The following PCDHA2 variants were observed in gnomAD, a reference collection of about 807,000 sequenced individuals.
PCDHA2 encodes the protein protocadherin alpha 2.
Under a neutral mutation model 66.0 loss-of-function variants are expected in PCDHA2, and 58 were observed. That is an observed-to-expected ratio of 0.88 (90% CI 0.71 to 1.09). The LOEUF (loss-of-function observed/expected upper bound fraction) is 1.09. PCDHA2 is among the 50% of genes least tolerant of loss of function. The pLI, the probability that PCDHA2 is intolerant of heterozygous loss-of-function variation, is 0.00. For synonymous variants in PCDHA2, 634 were observed against 554.0 expected, an observed-to-expected ratio of 1.14 and a Z score of -2.03; for missense variants, 1,267 against 1,242.3, an observed-to-expected ratio of 1.02 and a Z score of -0.30.
chr5:140,805,754 A>T (rs1763626106), intron 1 of PCDHA2: 2 of 242,630 alleles, frequency 8.2e-6, no homozygotes, highest in Non-Finnish European at 1.3e-5. Context: ...CTTGAAATAC[A>T]TCTTAATTGG....
rs149296153 is a variant in PCDHA2, at chr5:140,837,442, G to A, written c.2388+40090G>A. Among the ~76,000 whole-genome samples the A allele has an allele frequency of 1.9e-4, 29 of 151,938 alleles. No individual in the cohort carries two copies. The East Asian group carries it at 5.2e-3, about 27-fold the overall frequency. Reference sequence around the variant, plus strand: ...AATTTCAAAGAGTGAAATCTAGTACGTAGTAAAAAATCTCCTTGCCTCCTC... The same window carrying A: ...AATTTCAAAGAGTGAAATCTAGTACATAGTAAAAAATCTCCTTGCCTCCTC... On this transcript the variant is annotated intron_variant, in intron 1 of 3. Coordinates refer to ENST00000526136, the MANE Select transcript of PCDHA2 (RefSeq NM_018905.3).
chr5:140,975,207 G>A (rs2096658071), intron 1 of PCDHA2, among the ~76,000 whole-genome samples: 1 of 152,180 alleles, frequency 6.6e-6, no homozygotes. Flanking sequence ...CTTCATGGCT[G>A]GCACTGGAGA....
At position 140,829,335 on chromosome 5, in the gene PCDHA2, G is replaced by T. The variant is rs2150166074; in HGVS notation, c.2388+31983G>T. 2.5e-6 allele frequency: 4 copies of T among 1,614,114 alleles called. No homozygotes were observed. In the African/African-American group the frequency reaches 5.3e-5, roughly 22 times the overall value. ...TTGGTGCTGGACAGTGCCCTGGACC[G>T]CGAGAGCGTGTCGGCCTATGAGTTG... On this transcript the variant is annotated intron_variant, in intron 1 of 3. Transcript: ENST00000526136.
At chr5:140,998,273 A>G (rs1448303020) in intron 3 of PCDHA2, among the ~76,000 whole-genome samples, 1 of 152,216 alleles carries the variant, frequency 6.6e-6, no homozygotes, top group East Asian at 1.9e-4. Context: ...ACTGACACCC[A>G]TAGGATTAAA....
intron 1 of PCDHA2, among the ~76,000 whole-genome samples, chr5:140,935,507 G>A (rs2090409706): frequency 6.6e-6 from 1 of 152,138 alleles, no homozygotes. Context: ...CCTTACAAAT[G>A]CCCAGTAGGC....
At chr5:140,847,326 T>C (rs1171959432) in intron 1 of PCDHA2, 3 of 149,816 alleles carry the variant, frequency 2.0e-5, no homozygotes, top group African/African-American at 7.3e-5. Flanking sequence ...GAAGCAATTG[T>C]TAAATGCACC....
chr5:140,801,159 T>C, intron 1 of PCDHA2: 1 of 1,535,928 alleles, frequency 6.5e-7, no homozygotes, highest in Non-Finnish European at 8.7e-7. Flanking sequence ...AAACTTTGGA[T>C]CAATGTAAAG....
intron 1 of PCDHA2, chr5:140,870,821 G>A (rs782742871): frequency 6.2e-7 from 1 of 1,613,736 alleles, no homozygotes; most frequent in South Asian, 1.1e-5. Flanking sequence ...GGCAGCGCGG[G>A]AGGCGCAGTT....
At chr5:140,958,069 A>C (rs2095407625) in intron 1 of PCDHA2, among the ~76,000 whole-genome samples, 1 of 152,104 alleles carries the variant, frequency 6.6e-6, no homozygotes. Flanking sequence ...AAAAACACAG[A>C]AGCAAAAAGT....
chr5:140,960,253 G>A (rs1554224599), intron 1 of PCDHA2, among the ~76,000 whole-genome samples: 1 of 152,178 alleles, frequency 6.6e-6, no homozygotes, highest in African/African-American at 2.4e-5. Context: ...GCTTCCTGGA[G>A]CTTCTGATAA....
intron 1 of PCDHA2, chr5:140,853,641 A>G (rs1211855290): frequency 1.0e-6 from 1 of 988,686 alleles, no homozygotes; most frequent in East Asian, 1.1e-4. Context: ...ACAGACCTAA[A>G]TTGAGCCTGT....
chr5:140,825,779 T>C (rs1474440302), intron 1 of PCDHA2: 1 of 152,494 alleles, frequency 6.6e-6, no homozygotes, highest in Non-Finnish European at 1.5e-5. Context: ...CAAATTCTAC[T>C]ATATTTTGGT....
chr5:140,835,512 C>A (rs147252917), intron 1 of PCDHA2: 5 of 1,613,916 alleles, frequency 3.1e-6, no homozygotes, highest in Middle Eastern at 1.6e-4. Flanking sequence ...CGTGTTTGAC[C>A]GAGATTTTGG....
At chr5:140,835,466 G>A (rs1289666864) in intron 1 of PCDHA2, 6 of 1,613,784 alleles carry the variant, frequency 3.7e-6, no homozygotes, top group Non-Finnish European at 5.1e-6. Context: ...CTATTCCAGA[G>A]GACGCCCAAC....
At chr5:140,800,935 G>T in intron 1 of PCDHA2, 5 of 905,018 alleles carry the variant, frequency 5.5e-6, no homozygotes, top group Non-Finnish European at 7.3e-6. Context: ...GAAATTTTGG[G>T]AAAGTTCAAA....
intron 3 of PCDHA2, among the ~76,000 whole-genome samples, chr5:140,987,524 GT>G (rs1341881093): frequency 6.6e-6 from 1 of 152,144 alleles, no homozygotes; most frequent in Non-Finnish European, 1.5e-5. Flanking sequence ...GTAATTGTAT[GT>G]TCCTGGGACC....
rs183247098 is a variant in PCDHA2 at position 140,949,419 on chromosome 5, T to G, written c.2389-29530T>G. On this transcript the variant is annotated intron_variant, in intron 1 of 3. Coordinates refer to ENST00000526136, the MANE Select transcript of PCDHA2 (RefSeq NM_018905.3). ...TGTTAAAAATCACCTATCATCATTGTGTTTATCTCTTTGTGCCCATTTTTG... is the reference window on the plus strand; with the variant it reads ...TGTTAAAAATCACCTATCATCATTGGGTTTATCTCTTTGTGCCCATTTTTG... Among the ~76,000 whole-genome samples the G allele has an allele frequency of 2.5e-3, 382 of 151,992 alleles. 3 individuals are homozygous for G. The highest frequency in any genetic ancestry group is 0.018 in the South Asian group (86 of 4,828).
At chr5:140,878,879 G>A (rs1315306611) in intron 1 of PCDHA2, among the ~76,000 whole-genome samples, 4 of 152,204 alleles carry the variant, frequency 2.6e-5, no homozygotes, top group Admixed American at 6.5e-5. Flanking sequence ...AGCCTTTCAA[G>A]TAGCTGAGAC....
At chr5:140,911,968 T>A (rs1554195054) in intron 1 of PCDHA2, among the ~76,000 whole-genome samples, 2 of 152,138 alleles carry the variant, frequency 1.3e-5, no homozygotes, top group East Asian at 3.9e-4. Flanking sequence ...TAAGGAGTAT[T>A]AACTCACATG....
Sources: allele counts gnomAD v4.1 joint callset (sites outside exome capture counted in the v4.1 genomes callset), GRCh38; gene constraint gnomAD v4.1.1; transcripts MANE v1.5; gene names NCBI Gene and HGNC (gene_info 2026-07-23, HGNC 2026-07-21).